MSRA: variants seen among roughly 807,000 people sequenced by gnomAD.
MSRA encodes mitochondrial peptide methionine sulfoxide reductase.
Under a neutral mutation model 31.3 loss-of-function variants are expected in MSRA, and 54 were observed. The ratio of observed to expected loss-of-function variants is 1.73; its 90% CI spans 1.39 to 2.17. The LOEUF is 2.17. Among genes scored for constraint, MSRA ranks in the 30% most tolerant of loss-of-function variants. MSRA has a pLI of 0.00. For missense variants in MSRA, 507 were observed against 300.9 expected (o/e 1.69, Z -5.07); for synonymous variants, 169 against 116.5 (o/e 1.45, Z -2.90).
intron 1 of MSRA, among the ~76,000 whole-genome samples, chr8:10,055,438 C>T (rs945892207): frequency 3.9e-5 from 6 of 152,252 alleles, no homozygotes; most frequent in East Asian, 1.9e-4. Flanking sequence ...TTTCCCAGAA[C>T]GAGGGCCACA....
rs377571684 is a variant in MSRA at position 10,428,104 on chromosome 8, C to T, written c.544-44C>T. ...CAGTGCCACCCCTCGCAGGTGCTGT[C>T]TCTCTAGCATGGGAGCTGATGGCGC... On this transcript the variant is annotated intron_variant, in intron 5 of 5. Coordinates refer to ENST00000317173, the MANE Select transcript of MSRA (RefSeq NM_012331.5). 10 of 1,583,762 alleles carry T rather than the reference C, an allele frequency of 6.3e-6. No homozygotes were observed. In the Admixed American group the frequency reaches 7.4e-5, roughly 12 times the overall value.
intron 1 of MSRA, among the ~76,000 whole-genome samples, chr8:10,185,034 C>T (rs1806895384): frequency 6.6e-6 from 1 of 152,200 alleles, no homozygotes; most frequent in African/African-American, 2.4e-5. Context: ...ACTGTTCTTT[C>T]CTCATGCCTT....
chr8:10,334,392 TA>T (rs1456489992), intron 5 of MSRA, among the ~76,000 whole-genome samples: 5 of 151,818 alleles, frequency 3.3e-5, no homozygotes, highest in Non-Finnish European at 7.4e-5. Flanking sequence ...GTTCAGCCTC[TA>T]TAAAGTGGCT....
At chr8:10,295,846 A>C (rs1039727463) in intron 3 of MSRA, among the ~76,000 whole-genome samples, 30 of 152,238 alleles carry the variant, frequency 2.0e-4, no homozygotes, top group African/African-American at 6.7e-4. Context: ...TTCTTGTCAG[A>C]GGAAGTCGTT....
chr8:10,137,357 C>G (rs914336729), intron 1 of MSRA, among the ~76,000 whole-genome samples: 7 of 152,128 alleles, frequency 4.6e-5, no homozygotes, highest in Non-Finnish European at 1.0e-4. Context: ...TCACGGCCAT[C>G]ATCTGAAAGG....
At chr8:10,115,948 G>T (rs1194035034) in intron 1 of MSRA, among the ~76,000 whole-genome samples, 2 of 152,202 alleles carry the variant, frequency 1.3e-5, no homozygotes, top group Non-Finnish European at 2.9e-5. Flanking sequence ...GGACCATAGG[G>T]CCAGAATAGT....
chr8:10,165,147 G>T (rs1372394860), intron 1 of MSRA, among the ~76,000 whole-genome samples: 1 of 152,176 alleles, frequency 6.6e-6, no homozygotes. Flanking sequence ...GTGCGGCCTA[G>T]GTTGAGAAGA....
chr8:10,159,225 C>G (rs904735120), intron 1 of MSRA, among the ~76,000 whole-genome samples: 6 of 152,206 alleles, frequency 3.9e-5, no homozygotes, highest in African/African-American at 1.4e-4. Flanking sequence ...AGCGCTGAAA[C>G]TGCATTTCCT....
intron 5 of MSRA, among the ~76,000 whole-genome samples, chr8:10,427,913 G>A (rs1208250027): frequency 1.3e-5 from 2 of 152,184 alleles, no homozygotes; most frequent in East Asian, 1.9e-4. Flanking sequence ...GTAAGTTACT[G>A]ATTTAAAAAT....
intron 2 of MSRA, among the ~76,000 whole-genome samples, chr8:10,211,605 T>G (rs1446944464): frequency 6.6e-6 from 1 of 152,180 alleles, no homozygotes; most frequent in African/African-American, 2.4e-5. Context: ...CTCACCCATT[T>G]GATCTTTAGA....
chr8:10,321,684 G>C (rs56262913), intron 5 of MSRA, among the ~76,000 whole-genome samples: 46,915 of 152,082 alleles, frequency 0.31, 8,125 homozygotes, highest in African/African-American at 0.45. Flanking sequence ...AAAACTCTCT[G>C]TTACCGCGTG....
At chr8:10,335,299 C>G (rs112923662) in intron 5 of MSRA, among the ~76,000 whole-genome samples, 77 of 138,478 alleles carry the variant, frequency 5.6e-4, no homozygotes, top group African/African-American at 2.1e-3. Context: ...GAAATCCGGC[C>G]CTGTGACCCT....
At chr8:10,208,557 C>A (rs566136768) in intron 2 of MSRA, among the ~76,000 whole-genome samples, 1 of 152,014 alleles carries the variant, frequency 6.6e-6, no homozygotes, top group South Asian at 2.1e-4. Flanking sequence ...CTTTCTTTGC[C>A]TGCCTTCTTT....
intron 5 of MSRA, among the ~76,000 whole-genome samples, chr8:10,426,261 C>A (rs1809156250): frequency 6.6e-6 from 1 of 152,126 alleles, no homozygotes; most frequent in South Asian, 2.1e-4. Context: ...GGGGCCCGGT[C>A]ATGGAAACAG....
chr8:10,283,164 T>TCTCTCTCTCTCTCTCTCTCA (rs1799723808), intron 3 of MSRA, among the ~76,000 whole-genome samples: 3 of 67,884 alleles, frequency 4.4e-5, no homozygotes, highest in African/African-American at 6.5e-5. Flanking sequence ...ACACACACTC[T>TCTCTCTCTCTCTCTCTCTCA]CACCCTTCTC....
At chr8:10,402,510 C>T (rs748963294) in intron 5 of MSRA, among the ~76,000 whole-genome samples, 10 of 152,224 alleles carry the variant, frequency 6.6e-5, no homozygotes, top group South Asian at 4.1e-4. Context: ...ATTCCAATGA[C>T]GCAAGCATCC....
At chr8:10,192,022 T>C (rs1258327963) in intron 1 of MSRA, among the ~76,000 whole-genome samples, 1 of 152,276 alleles carries the variant, frequency 6.6e-6, no homozygotes, top group East Asian at 1.9e-4. Context: ...TGGGGCTCAT[T>C]CACAGGGCTG....
chr8:10,356,889 T>TAA lies in MSRA; in HGVS notation c.543+36920_543+36921dup, dbSNP rs869099944. Among the ~76,000 whole-genome samples the TAA allele has an allele frequency of 2.4e-4, 25 of 105,122 alleles. 2 individuals are homozygous for TAA. Among genetic ancestry groups the TAA allele is most frequent in the African/African-American group, 2.8e-4 (8 of 28,770 alleles). The allele number at this position is 105,122 out of a possible 152,430, so 69.0% of individuals were successfully genotyped here. A position where few individuals can be genotyped will look rare whatever the true frequency, so the allele number is the denominator to read the frequency against. On this transcript the variant is annotated intron_variant, in intron 5 of 5. Coordinates refer to ENST00000317173, the MANE Select transcript of MSRA (RefSeq NM_012331.5). ...GCTGCTGTTTTTGAGCCTTGCCCAT[T>TAA]AAAAAAAAAAAAAAAAAAAAATATA...
intron 2 of MSRA, among the ~76,000 whole-genome samples, chr8:10,227,596 G>A (rs921580134): frequency 2.6e-5 from 4 of 152,152 alleles, no homozygotes; most frequent in African/African-American, 9.7e-5. Flanking sequence ...CTGAAAAATA[G>A]CAATGTGTAT....
Sources: gnomAD v4.1 joint callset for allele counts (sites outside exome capture counted in the v4.1 genomes callset) on GRCh38, gnomAD v4.1.1 for gene constraint, MANE v1.5 for transcripts, NCBI Gene and HGNC (gene_info 2026-07-23, HGNC 2026-07-21) for gene names.